The following LUZP2 variants were observed in gnomAD, a reference collection of about 807,000 sequenced individuals.
LUZP2 encodes leucine zipper protein 2.
A neutral mutation model predicts 51.6 loss-of-function variants in LUZP2; 52 were observed. That is an observed-to-expected ratio of 1.01 (90% CI 0.81 to 1.27). LUZP2 has a LOEUF of 1.27. LUZP2 is among the 50% of genes most tolerant of loss of function. The probability of loss-of-function intolerance (pLI) is 0.00; values close to 1 mark genes in which losing one functional copy is unlikely to be tolerated. For synonymous variants in LUZP2, 154 were observed against 137.3 expected (o/e 1.12, Z -0.85); for missense variants, 436 against 395.4 (o/e 1.10, Z -0.87).
intron 10 of LUZP2, among the ~76,000 whole-genome samples, chr11:25,057,738 T>C (rs75049497): frequency 2.0e-5 from 3 of 152,198 alleles, no homozygotes; most frequent in East Asian, 1.9e-4. Context: ...GGATGGCTTA[T>C]GTTTAGCACC....
chr11:24,777,972 C>G (rs1848986018), intron 5 of LUZP2, among the ~76,000 whole-genome samples: 1 of 151,880 alleles, frequency 6.6e-6, no homozygotes, highest in African/African-American at 2.4e-5. Context: ...ATAGTAGGCA[C>G]TTGATAAATA....
chr11:24,626,716 A>G (rs990138439), intron 1 of LUZP2, among the ~76,000 whole-genome samples: 1 of 152,224 alleles, frequency 6.6e-6, no homozygotes, highest in African/African-American at 2.4e-5. Context: ...ATAACAATGA[A>G]GGCTAATCAA....
intron 7 of LUZP2, among the ~76,000 whole-genome samples, chr11:24,970,004 G>A (rs1855699142): frequency 6.6e-6 from 1 of 152,084 alleles, no homozygotes; most frequent in Admixed American, 6.6e-5. Context: ...TGTACTTTAT[G>A]TTCTTAGAGC....
chr11:24,498,473 C>A (rs560345845), intron 1 of LUZP2, among the ~76,000 whole-genome samples: 4 of 152,138 alleles, frequency 2.6e-5, no homozygotes, highest in Non-Finnish European at 4.4e-5. Context: ...GAGACTATTT[C>A]ATTTACCCTC....
At chr11:24,768,663 T>G (rs1860285803) in intron 5 of LUZP2, among the ~76,000 whole-genome samples, 2 of 152,092 alleles carry the variant, frequency 1.3e-5, no homozygotes, top group Non-Finnish European at 2.9e-5. Context: ...ACTCCCAACA[T>G]CACTAATCAT....
intron 5 of LUZP2, among the ~76,000 whole-genome samples, chr11:24,847,275 T>C (rs1167387712): frequency 2.0e-5 from 3 of 152,106 alleles, no homozygotes; most frequent in African/African-American, 7.2e-5. Flanking sequence ...TTTTTTCCTT[T>C]CTGCTTCAGG....
intron 1 of LUZP2, among the ~76,000 whole-genome samples, chr11:24,565,859 A>C (rs1024691846): frequency 6.6e-6 from 1 of 152,184 alleles, no homozygotes; most frequent in Admixed American, 6.6e-5. Context: ...TAGCATTAAA[A>C]CACAGAATAT....
chr11:24,742,992 C>T (rs974484967), intron 4 of LUZP2, among the ~76,000 whole-genome samples: 1 of 152,032 alleles, frequency 6.6e-6, no homozygotes, highest in Non-Finnish European at 1.5e-5. Context: ...TGTCAAAGAT[C>T]AGTTGGCTGT....
At chr11:24,674,916 G>A (rs1361700901) in intron 1 of LUZP2, among the ~76,000 whole-genome samples, 2 of 152,158 alleles carry the variant, frequency 1.3e-5, no homozygotes, top group Admixed American at 6.6e-5. Flanking sequence ...AATGTGCAAG[G>A]AAACTATAAT....
intron 7 of LUZP2, among the ~76,000 whole-genome samples, chr11:24,932,656 C>T (rs1443044706): frequency 6.6e-6 from 1 of 152,256 alleles, no homozygotes; most frequent in Non-Finnish European, 1.5e-5. Flanking sequence ...ACCATGCCCC[C>T]TCAACATCAT....
At chr11:24,767,917 G>A (rs1379402053) in intron 5 of LUZP2, among the ~76,000 whole-genome samples, 1 of 151,830 alleles carries the variant, frequency 6.6e-6, no homozygotes, top group African/African-American at 2.4e-5. Flanking sequence ...ATGCTTCAAA[G>A]GTCAGAATTT....
At chr11:24,890,043 G>T (rs1852796923) in intron 5 of LUZP2, among the ~76,000 whole-genome samples, 1 of 152,134 alleles carries the variant, frequency 6.6e-6, no homozygotes, top group South Asian at 2.1e-4. Context: ...CTATAATGAA[G>T]AAATAGTTGT....
At chr11:24,730,937 T>A (rs889062621) in intron 2 of LUZP2, among the ~76,000 whole-genome samples, 2 of 151,782 alleles carry the variant, frequency 1.3e-5, no homozygotes, top group African/African-American at 4.8e-5. Flanking sequence ...TTGTGCCAGG[T>A]CATAAGACCA....
intron 1 of LUZP2, among the ~76,000 whole-genome samples, chr11:24,529,234 C>A (rs79318999): frequency 6.6e-6 from 1 of 151,022 alleles, no homozygotes; most frequent in South Asian, 2.1e-4. Context: ...ACAAAAAAAA[C>A]CTGGCATAGT....
At chr11:24,500,118 A>G (rs974799850) in intron 1 of LUZP2, among the ~76,000 whole-genome samples, 2 of 151,692 alleles carry the variant, frequency 1.3e-5, no homozygotes, top group African/African-American at 2.4e-5. Flanking sequence ...ATTTAATCAC[A>G]GTGAACATCA....
At chr11:24,821,320 A>C (rs923219) in intron 5 of LUZP2, among the ~76,000 whole-genome samples, 135,080 of 152,038 alleles carry the variant, frequency 0.89, 60,575 homozygotes, top group Non-Finnish European at 0.95. Context: ...TTCAATTACT[A>C]CTTGTAGAAT....
intron 1 of LUZP2, among the ~76,000 whole-genome samples, chr11:24,695,301 A>G (rs1857210850): frequency 6.6e-6 from 1 of 152,114 alleles, no homozygotes; most frequent in South Asian, 2.1e-4. Flanking sequence ...AAGTTTTAGA[A>G]TTAGTAAAAT....
intron 7 of LUZP2, among the ~76,000 whole-genome samples, chr11:24,949,318 ATCTATCTATCTATCTC>A (rs11267351): frequency 0.34 from 44,141 of 130,572 alleles, 6,698 homozygotes; most frequent in Middle Eastern, 0.36. Context: ...CTATCTATCT[ATCTATCTATCTATCTC>A]TCTATCTATC....
intron 10 of LUZP2, among the ~76,000 whole-genome samples, chr11:25,076,481 A>G (rs1245623984): frequency 6.6e-6 from 1 of 152,036 alleles, no homozygotes; most frequent in African/African-American, 2.4e-5. Context: ...TGTATATGAT[A>G]AAGAAGAAAG....
Sources: allele counts gnomAD v4.1 joint callset (sites outside exome capture counted in the v4.1 genomes callset), GRCh38; gene constraint gnomAD v4.1.1; transcripts MANE v1.5; gene names NCBI Gene and HGNC (gene_info 2026-07-23, HGNC 2026-07-21).